Variants in TBR1 observed in about 807,000 individuals in gnomAD.
The protein encoded by TBR1 is T-box brain transcription factor 1, also known as T-box brain protein 1.
Under a neutral mutation model 60.3 loss-of-function variants are expected in TBR1, and 7 were observed. The ratio of observed to expected loss-of-function variants is 0.12; its 90% CI spans 0.07 to 0.22. The LOEUF (loss-of-function observed/expected upper bound fraction) is 0.22. Among genes scored for constraint, TBR1 ranks in the 10% least tolerant of loss-of-function variants. TBR1 has a pLI of 1.00. For synonymous variants in TBR1, 417 were observed against 409.9 expected (o/e 1.02, Z -0.21); for missense variants, 616 against 936.8 (o/e 0.66, Z 4.47).
intron 5 of TBR1, 126 bp downstream of exon 5, chr2:161,420,383 CTTCTTCTTCGTCTTTCTTCT>C (rs1225441284): frequency 1.7e-5 from 6 of 355,002 alleles, no homozygotes; most frequent in Non-Finnish European, 2.0e-5. Flanking sequence ...TAGAGGACTT[CTTCTTCTTCGTCTTTCTTCT>C]TTCTTCTTCC....
Position 161,423,626 on chromosome 2 carries a change from G to A in TBR1, c.1448G>A (p.Arg483His). 1 of 1,537,552 alleles carries A rather than the reference G, an allele frequency of 6.5e-7. No individual in the cohort carries two copies. Among genetic ancestry groups the A allele is most frequent in the Non-Finnish European group, 8.7e-7 (1 of 1,150,130 alleles). Reference protein sequence around the residue: ...AEDPGAPSPQRWFVTPANNRL... With the variant: ...AEDPGAPSPQHWFVTPANNRL... ...GACCCGGGCGCGCCCTCGCCGCAAC[G>A]CTGGTTTGTGACGCCGGCCAACAAC... Residue 483 changes from arginine to histidine, a missense_variant, in exon 6 of 6, where the codon CGC (arginine) becomes CAC (histidine). Around this residue, in one of 8 missense-constraint regions of TBR1, gnomAD observed 210 missense variants for 297.4 expected, o/e 0.71. Transcript: ENST00000389554.
Position 161,417,368 on chromosome 2 carries a change from G to A in TBR1, c.692+266G>A. 1 of 560,774 alleles carries A rather than the reference G, an allele frequency of 1.8e-6. No individual in the cohort carries two copies. Among genetic ancestry groups the A allele is most frequent in the African/African-American group, 1.9e-5 (1 of 53,334 alleles). The allele number at this position is 560,774 out of a possible 1,614,324, so 34.7% of individuals were successfully genotyped here. A position where few individuals can be genotyped will look rare whatever the true frequency, so the allele number is the denominator to read the frequency against. On this transcript the variant is annotated intron_variant, in intron 1 of 5. Coordinates refer to ENST00000389554, the MANE Select transcript of TBR1 (RefSeq NM_006593.4). The surrounding 1 kb of genome is among the most constrained non-coding windows in gnomAD (Gnocchi z 5.3). The stretch of plus-strand genomic sequence containing the variant: ...AAAGGAAGAGCCCTGGCCAGCGGCT[G>A]GGCGATGGGAGGGACGCATCAACAC...
At chr2:161,419,799 A>C (rs1470496085) in intron 4 of TBR1, 1 of 153,146 alleles carries the variant, frequency 6.5e-6, no homozygotes, top group Non-Finnish European at 1.5e-5. Context: ...GTGAGTCAGA[A>C]GCGACAAACG....
In TBR1 at chr2:161,424,222, A is replaced by T. The variant is rs1684285268; in HGVS notation, c.2044A>T (p.Ser682Cys). Residue 682 changes from serine to cysteine, a missense_variant, in exon 6 of 6, where the codon AGC becomes TGC. Physicochemically the swap from Ser to Cys is moderately radical, Grantham distance 112. Coordinates refer to ENST00000389554, the MANE Select transcript of TBR1 (RefSeq NM_006593.4). This position sits in a 1 kb window ranked among gnomAD's most constrained non-coding sequence, Gnocchi z 4.4. ...ISGYYGFYSH[S>C] The stretch of plus-strand genomic sequence containing the variant: ...CGGCTACTATGGCTTCTACTCGCAC[A>T]GCTAGGCCGCCCCTGCCCGCCCGGC... 6.4e-7 allele frequency: 1 copy of T among 1,573,390 alleles called. No homozygotes were observed.
chr2:161,417,537 C>A lies in TBR1; in HGVS notation c.693-139C>A. 1 of 1,150,116 alleles carries A rather than the reference C, an allele frequency of 8.7e-7. No individual in the cohort carries two copies. Among genetic ancestry groups the A allele is most frequent in the Non-Finnish European group, 1.2e-6 (1 of 813,016 alleles). The allele number at this position is 1,150,116 out of a possible 1,614,324, so 71.2% of individuals were successfully genotyped here. On this transcript the variant is annotated intron_variant, in intron 1 of 5. Coordinates refer to ENST00000389554, the MANE Select transcript of TBR1 (RefSeq NM_006593.4). This position sits in a 1 kb window ranked among gnomAD's most constrained non-coding sequence, Gnocchi z 5.3. ...CTTTTCTTCTCCCACCACCCTTTTT[C>A]TAATCCAGCAAATATTCGCCTATTT...
At position 161,423,519 on chromosome 2, in the gene TBR1, G is replaced by A. The variant is rs1327891481; in HGVS notation, c.1341G>A (p.Pro447=). Residue 447 remains proline (P), a synonymous_variant, in exon 6 of 6, where the codon CCG becomes CCA. Transcript: ENST00000389554. ...ACTACGCCAAGGCCCGCTTCCACCC[G>A]GGCGCGGGCGCGGGCCCCGGGCCGG... ...VSNYAKARFH[P]GAGAGPGPGT... 1 of 1,579,826 alleles carries A rather than the reference G, an allele frequency of 6.3e-7. No individual in the cohort carries two copies. The highest frequency in any genetic ancestry group is 8.6e-7 in the Non-Finnish European group (1 of 1,165,842).
Position 161,419,024 on chromosome 2 carries a change from G to T in TBR1, c.1102G>T (p.Ala368Ser), listed in dbSNP as rs1559060935. 1.2e-6 allele frequency: 2 copies of T among 1,614,158 alleles called. No homozygotes were observed. The highest frequency in any genetic ancestry group is 2.2e-5 in the East Asian group (1 of 44,866). The part of the protein sequence containing the change: ...TFTFPETQFI[A>S]VTAYQNTDIT... ...CACTTTCCCTGAGACTCAGTTCATC[G>T]CCGTCACCGCCTACCAGAACACGGA... The change falls in exon 4 of 6, where the codon GCC becomes TCC. Residue 368 changes from alanine to serine, a missense_variant. Physicochemically the swap from Ala to Ser is moderately conservative, Grantham distance 99. Coordinates refer to ENST00000389554, the MANE Select transcript of TBR1 (RefSeq NM_006593.4).
At position 161,417,626 on chromosome 2, in the gene TBR1, TTA is replaced by T; in HGVS notation, c.693-48_693-47del. 7 of 1,582,190 alleles carry T rather than the reference TTA, an allele frequency of 4.4e-6. No individual in the cohort carries two copies. The highest frequency in any genetic ancestry group is 6.0e-6 in the Non-Finnish European group (7 of 1,166,220). On this transcript the variant is annotated intron_variant, in intron 1 of 5. Transcript: ENST00000389554. The surrounding 1 kb of genome is among the most constrained non-coding windows in gnomAD (Gnocchi z 5.3). ...GCTTCTTGCATTTAATCTTTAACAT[TTA>T]TGTTTCTTTTTTCCTTGTTTTCTCC...
chr2:161,424,355 G>T lies in TBR1; in HGVS notation c.*128G>T. The T allele has an allele frequency of 4.7e-6, 5 of 1,068,806 alleles. No homozygotes were observed. Among genetic ancestry groups the T allele is most frequent in the Non-Finnish European group, 6.6e-6 (5 of 752,742 alleles). The allele number at this position is 1,068,806 out of a possible 1,614,324, so 66.2% of individuals were successfully genotyped here. A position where few individuals can be genotyped will look rare whatever the true frequency, so the allele number is the denominator to read the frequency against. ...TCATTTTATTTGACCCTCGATGGCCGTCTGCAGCGAATAAGTGCAGGTCTC... is the reference window on the plus strand; with the variant it reads ...TCATTTTATTTGACCCTCGATGGCCTTCTGCAGCGAATAAGTGCAGGTCTC... On this transcript the variant is annotated 3_prime_UTR_variant, in exon 6 of 6. Coordinates refer to ENST00000389554, the MANE Select transcript of TBR1 (RefSeq NM_006593.4). This position sits in a 1 kb window ranked among gnomAD's most constrained non-coding sequence, Gnocchi z 4.4.
chr2:161,416,811 A>G lies in TBR1; in HGVS notation c.401A>G (p.His134Arg). 1 of 1,613,636 alleles carries G rather than the reference A, an allele frequency of 6.2e-7. No homozygotes were observed. Among genetic ancestry groups the G allele is most frequent in the Non-Finnish European group, 8.5e-7 (1 of 1,179,954 alleles). Residue 134 changes from histidine to arginine, a missense_variant, in exon 1 of 6, where the codon CAC becomes CGC. By Grantham distance (29) the His-to-Arg change is conservative. Coordinates refer to ENST00000389554, the MANE Select transcript of TBR1 (RefSeq NM_006593.4). This position sits in a 1 kb window ranked among gnomAD's most constrained non-coding sequence, Gnocchi z 6.1. ...TACCCCGGCCAGCACGGACCGGCGC[A>G]CCCCGCCTTCTCCATCGGCAGCCCT... is the stretch of plus-strand genomic sequence containing the variant. ...FPYPGQHGPAHPAFSIGSPSR... is the reference protein window; with the variant it reads ...FPYPGQHGPARPAFSIGSPSR...
In TBR1 at chr2:161,418,279, T is replaced by C. The variant is rs768824836; in HGVS notation, c.926T>C (p.Leu309Ser). The C allele has an allele frequency of 6.2e-7, 1 of 1,614,076 alleles. No individual in the cohort carries two copies. The change falls in exon 3 of 6, where the codon TTA (leucine) becomes TCA (serine). Residue 309 changes from leucine to serine, a missense_variant. Physicochemically the swap from Leu to Ser is moderately radical, Grantham distance 145 (BLOSUM62 -2). Transcript: ENST00000389554. ...CGCCAAGAAATCTCTTTTGGAAAATTAAAACTTACGAACAACAAAGGAGCT... is the reference window on the plus strand; with the variant it reads ...CGCCAAGAAATCTCTTTTGGAAAATCAAAACTTACGAACAACAAAGGAGCT... ...WMRQEISFGK[L>S]KLTNNKGASN...
rs1182403917 is a variant in TBR1 at position 161,423,729 on chromosome 2, G to A, written c.1551G>A (p.Ala517=). ...ACGCGGCCACGCTGCTCTCTTACGC[G>A]GCGGCGGGCGTGAAGGCGCTGCCGC... is the stretch of plus-strand genomic sequence containing the variant. ...AGNAATLLSY[A]AAGVKALPLQ... is the part of the protein sequence containing the mutation. Residue 517 remains alanine (A), a synonymous_variant, in exon 6 of 6, where the codon GCG becomes GCA. Transcript: ENST00000389554. 1.3e-6 allele frequency: 2 copies of A among 1,520,268 alleles called. No homozygotes were observed. Among genetic ancestry groups the A allele is most frequent in the Admixed American group, 3.9e-5 (2 of 51,124 alleles). The allele number at this position is 1,520,268 out of a possible 1,614,324, so 94.2% of individuals were successfully genotyped here. A position where few individuals can be genotyped will look rare whatever the true frequency, so the allele number is the denominator to read the frequency against.
intron 3 of TBR1, chr2:161,418,524 T>C: frequency 1.3e-6 from 1 of 749,504 alleles, no homozygotes. Flanking sequence ...GTCGGCCCAA[T>C]TTTGGAGTGC....
At position 161,424,353 on chromosome 2, in the gene TBR1, C is replaced by A; in HGVS notation, c.*126C>A. The A allele has an allele frequency of 9.3e-7, 1 of 1,078,990 alleles. No homozygotes were observed. Among genetic ancestry groups the A allele is most frequent in the Non-Finnish European group, 1.3e-6 (1 of 761,792 alleles). The allele number at this position is 1,078,990 out of a possible 1,614,324, so 66.8% of individuals were successfully genotyped here. On this transcript the variant is annotated 3_prime_UTR_variant, in exon 6 of 6. Coordinates refer to ENST00000389554, the MANE Select transcript of TBR1 (RefSeq NM_006593.4). The surrounding 1 kb of genome is among the most constrained non-coding windows in gnomAD (Gnocchi z 4.4). ...ACTCATTTTATTTGACCCTCGATGGCCGTCTGCAGCGAATAAGTGCAGGTC... is the reference window on the plus strand; with the variant it reads ...ACTCATTTTATTTGACCCTCGATGGACGTCTGCAGCGAATAAGTGCAGGTC...
At position 161,424,140 on chromosome 2, in the gene TBR1, C is replaced by G; in HGVS notation, c.1962C>G (p.Leu654=). The G allele has an allele frequency of 6.2e-7, 1 of 1,613,126 alleles. No homozygotes were observed. ...CCGTGTCCGAGAGTTCGTCCCCGCTCAAGAGCGAGGTGCTGGCCCAGCGGG... is the reference window on the plus strand; with the variant it reads ...CCGTGTCCGAGAGTTCGTCCCCGCTGAAGAGCGAGGTGCTGGCCCAGCGGG... ...DTPVSESSSP[L]KSEVLAQRDC... The change falls in exon 6 of 6, where the codon CTC becomes CTG. Residue 654 remains leucine (L), a synonymous_variant. Transcript: ENST00000389554. This position sits in a 1 kb window ranked among gnomAD's most constrained non-coding sequence, Gnocchi z 4.4.
chr2:161,417,935 A>G lies in TBR1; in HGVS notation c.847+105A>G. The G allele has an allele frequency of 6.7e-7, 1 of 1,489,368 alleles. No individual in the cohort carries two copies. Among genetic ancestry groups the G allele is most frequent in the Non-Finnish European group, 8.9e-7 (1 of 1,119,342 alleles). The allele number at this position is 1,489,368 out of a possible 1,614,324, so 92.3% of individuals were successfully genotyped here. ...GAGCGACTTTTAAAACGATCGGCCA[A>G]TGACTTCTAAAAGGAAACGAGGGGG... On this transcript the variant is annotated intron_variant, in intron 2 of 5. Coordinates refer to ENST00000389554, the MANE Select transcript of TBR1 (RefSeq NM_006593.4). The surrounding 1 kb of genome is among the most constrained non-coding windows in gnomAD (Gnocchi z 5.3).
Position 161,417,249 on chromosome 2 carries a change from T to G in TBR1, c.692+147T>G. On this transcript the variant is annotated intron_variant, in intron 1 of 5. Transcript: ENST00000389554. This position sits in a 1 kb window ranked among gnomAD's most constrained non-coding sequence, Gnocchi z 5.3. ...TGGCTAGTTTTGGAAAGGGGGAAAG[T>G]GGAAGGGATAACCGCCAGGGTGATG... The G allele has an allele frequency of 1.2e-6, 1 of 803,916 alleles. No individual in the cohort carries two copies. The highest frequency in any genetic ancestry group is 1.7e-5 in the African/African-American group (1 of 57,228). 49.8% of individuals were successfully genotyped at this position (803,916 alleles called of 1,614,324 possible).
At position 161,417,225 on chromosome 2, in the gene TBR1, G is replaced by C. The variant is rs1032768185; in HGVS notation, c.692+123G>C. The C allele has an allele frequency of 1.6e-4, 160 of 1,012,080 alleles. No homozygotes were observed. In the African/African-American group the frequency reaches 2.3e-3, roughly 15 times the overall value. The allele number at this position is 1,012,080 out of a possible 1,614,324, so 62.7% of individuals were successfully genotyped here. A position where few individuals can be genotyped will look rare whatever the true frequency, so the allele number is the denominator to read the frequency against. On this transcript the variant is annotated intron_variant, in intron 1 of 5. Transcript: ENST00000389554. The surrounding 1 kb of genome is among the most constrained non-coding windows in gnomAD (Gnocchi z 5.3). ...GCGGAGTGGAAGGCGCCCTAGAGTT[G>C]GCTAGTTTTGGAAAGGGGGAAAGTG...
chr2:161,419,185 A>G (rs1041321509), intron 4 of TBR1, 135 bp downstream of exon 4: 7 of 1,351,474 alleles, frequency 5.2e-6, no homozygotes, highest in Non-Finnish European at 7.1e-6. Flanking sequence ...TGTGCGTTTT[A>G]AGGCTTAGGG....
Sources: gnomAD v4.1 joint callset for allele counts on GRCh38, gnomAD v4.1.1 for gene constraint, gnomAD v4.1.1 regional missense constraint, Gnocchi (gnomAD v3.1) non-coding constraint, MANE v1.5 for transcripts, NCBI Gene and HGNC (gene_info 2026-07-23, HGNC 2026-07-21) for gene names.